Variants in GPC5 observed in about 807,000 individuals in gnomAD.
The protein encoded by GPC5 is glypican-5.
A neutral mutation model predicts 53.9 loss-of-function variants in GPC5; 47 were observed. The ratio of observed to expected loss-of-function variants is 0.87; its 90% CI spans 0.69 to 1.11. GPC5 has a LOEUF of 1.11. Ranked by LOEUF, GPC5 falls within the 50% of genes most tolerant of loss-of-function variation. GPC5 has a pLI of 0.00. For missense variants in GPC5, 748 were observed against 713.1 expected (o/e 1.05, Z -0.56); for synonymous variants, 286 against 263.3 (o/e 1.09, Z -0.84).
chr13:92,438,198 G>A (rs1251081418), intron 7 of GPC5, among the ~76,000 whole-genome samples: 2 of 151,626 alleles, frequency 1.3e-5, no homozygotes, highest in Admixed American at 6.6e-5. Context: ...AATAAAATAC[G>A]AGCTGTATAA....
intron 7 of GPC5, among the ~76,000 whole-genome samples, chr13:92,225,796 T>C (rs999076489): frequency 2.0e-5 from 3 of 152,210 alleles, no homozygotes; most frequent in African/African-American, 7.2e-5. Context: ...CCCAGTTTTA[T>C]GTCTTTTTTT....
intron 7 of GPC5, among the ~76,000 whole-genome samples, chr13:92,471,963 T>C (rs1348485667): frequency 6.6e-6 from 1 of 152,188 alleles, no homozygotes; most frequent in Non-Finnish European, 1.5e-5. Flanking sequence ...AGCACATCTA[T>C]TTAATCATTG....
At chr13:92,680,006 A>G (rs1436763232) in intron 7 of GPC5, among the ~76,000 whole-genome samples, 1 of 151,944 alleles carries the variant, frequency 6.6e-6, no homozygotes, top group Non-Finnish European at 1.5e-5. Context: ...CTCAGCATAG[A>G]CTATAATGCT....
intron 7 of GPC5, among the ~76,000 whole-genome samples, chr13:92,488,145 A>G (rs1879628343): frequency 6.6e-6 from 1 of 152,082 alleles, no homozygotes. Flanking sequence ...GTGTGTGTGT[A>G]CAGGCATATA....
At chr13:91,651,090 A>G (rs2034697913) in intron 2 of GPC5, among the ~76,000 whole-genome samples, 1 of 152,142 alleles carries the variant, frequency 6.6e-6, no homozygotes, top group Non-Finnish European at 1.5e-5. Flanking sequence ...GCCTTAATAT[A>G]TAAAGGTTAT....
intron 7 of GPC5, among the ~76,000 whole-genome samples, chr13:92,838,466 G>C (rs1594540490): frequency 1.3e-5 from 2 of 148,996 alleles, no homozygotes; most frequent in East Asian, 2.1e-4. Flanking sequence ...CTGGGCTACA[G>C]AGTGAGACTC....
intron 7 of GPC5, among the ~76,000 whole-genome samples, chr13:92,169,350 A>C (rs1217600085): frequency 6.6e-6 from 1 of 152,228 alleles, no homozygotes; most frequent in African/African-American, 2.4e-5. Flanking sequence ...AAGAATTTGC[A>C]ATCTAACCTT....
chr13:92,509,335 C>A (rs1290749385), intron 7 of GPC5, among the ~76,000 whole-genome samples: 4 of 152,248 alleles, frequency 2.6e-5, no homozygotes, highest in African/African-American at 9.6e-5. Flanking sequence ...TCACATAAAT[C>A]TTTCCTTAGG....
At chr13:92,392,676 A>G (rs1875062316) in intron 7 of GPC5, among the ~76,000 whole-genome samples, 2 of 152,124 alleles carry the variant, frequency 1.3e-5, no homozygotes, top group Admixed American at 1.3e-4. Context: ...CTGATAGCCA[A>G]TATTTGTAAG....
chr13:91,932,923 G>C (rs189912955), intron 6 of GPC5, among the ~76,000 whole-genome samples: 1 of 151,888 alleles, frequency 6.6e-6, no homozygotes, highest in Non-Finnish European at 1.5e-5. Context: ...AGATGGGAGG[G>C]TTTGCTTAGT....
chr13:91,832,124 T>G (rs2138856681), intron 5 of GPC5, among the ~76,000 whole-genome samples: 1 of 152,092 alleles, frequency 6.6e-6, no homozygotes, highest in Admixed American at 6.6e-5. Context: ...AAGAACTTGC[T>G]TTTTGAATCT....
intron 2 of GPC5, among the ~76,000 whole-genome samples, chr13:91,594,103 A>G (rs1182406689): frequency 1.3e-5 from 2 of 152,348 alleles, no homozygotes; most frequent in African/African-American, 2.4e-5. Context: ...TTTCTTAGAC[A>G]TTAATTTTCT....
intron 5 of GPC5, among the ~76,000 whole-genome samples, chr13:91,821,449 G>C (rs4495989): frequency 0.33 from 49,431 of 151,930 alleles, 9,509 homozygotes; most frequent in East Asian, 0.64. Context: ...TTATTTTCTT[G>C]TTCCGTTGTT....
intron 7 of GPC5, among the ~76,000 whole-genome samples, chr13:92,408,327 C>G: frequency 6.6e-6 from 1 of 152,100 alleles, no homozygotes; most frequent in Non-Finnish European, 1.5e-5. Flanking sequence ...AAGTAACAGA[C>G]TTCCTTTCTT....
At chr13:92,593,607 C>A (rs79129065) in intron 7 of GPC5, among the ~76,000 whole-genome samples, 1 of 148,894 alleles carries the variant, frequency 6.7e-6, no homozygotes, top group Non-Finnish European at 1.5e-5. Context: ...ACAGAAAGTA[C>A]GTTTAGAATG....
intron 7 of GPC5, among the ~76,000 whole-genome samples, chr13:92,631,392 A>G (rs1885234246): frequency 6.6e-6 from 1 of 152,174 alleles, no homozygotes; most frequent in Admixed American, 6.5e-5. Context: ...AACAAAATTT[A>G]AAACATGATA....
chr13:91,807,988 TG>T (rs1397956806), intron 5 of GPC5, among the ~76,000 whole-genome samples: 1 of 152,162 alleles, frequency 6.6e-6, no homozygotes, highest in Non-Finnish European at 1.5e-5. Flanking sequence ...CACTGTTGAA[TG>T]TATTTGGCAT....
chr13:92,518,944 C>A (rs999047266), intron 7 of GPC5, among the ~76,000 whole-genome samples: 7 of 151,894 alleles, frequency 4.6e-5, no homozygotes, highest in Non-Finnish European at 8.8e-5. Flanking sequence ...ATCTACCAAG[C>A]AAATGGAAAA....
intron 7 of GPC5, among the ~76,000 whole-genome samples, chr13:92,640,829 G>A (rs1301088489): frequency 1.3e-5 from 2 of 151,972 alleles, no homozygotes; most frequent in African/African-American, 2.4e-5. Flanking sequence ...AAATAAAGTA[G>A]GATGATTAAA....
Sources: gnomAD v4.1 joint callset for allele counts (sites outside exome capture counted in the v4.1 genomes callset) on GRCh38, gnomAD v4.1.1 for gene constraint, MANE v1.5 for transcripts, NCBI Gene and HGNC (gene_info 2026-07-23, HGNC 2026-07-21) for gene names.